Variants in TBC1D9B observed in about 807,000 individuals in gnomAD.
TBC1D9B encodes the protein TBC1 domain family, member 9B (with GRAM domain).
In TBC1D9B, 87 loss-of-function variants were observed where a neutral mutation model predicts 121.1. The ratio of observed to expected loss-of-function variants is 0.72; its 90% CI spans 0.60 to 0.86. The LOEUF is 0.86. TBC1D9B is among the 40% of genes least tolerant of loss of function. The pLI is 0.00. For missense variants in TBC1D9B, 1,540 were observed against 1,628.6 expected, an observed-to-expected ratio of 0.95 and a Z score of 0.94; for synonymous variants, 668 against 670.1, an observed-to-expected ratio of 1.00 and a Z score of 0.05.
rs1222906510 is a variant in TBC1D9B at position 179,907,123 on chromosome 5, G to C, written c.118+581C>G. 1.3e-5 allele frequency among the ~76,000 whole-genome samples: 2 copies of C among 152,222 alleles called. No individual in the cohort carries two copies. The highest frequency in any genetic ancestry group is 2.4e-5 in the African/African-American group (1 of 41,464). On this transcript the variant is annotated intron_variant, in intron 1 of 20. Coordinates refer to ENST00000355235, the MANE Select transcript of TBC1D9B (RefSeq NM_015043.4). This position sits in a 1 kb window ranked among gnomAD's most constrained non-coding sequence, Gnocchi z 5.3. Reference sequence around the variant, plus strand: ...GGAACACCCTGTGCCGCTACCCACAGCCTTGGGTGCGCAGCTCTGAGAGCA... The same window carrying C: ...GGAACACCCTGTGCCGCTACCCACACCCTTGGGTGCGCAGCTCTGAGAGCA...
Position 179,904,962 on chromosome 5 carries a change from A to G in TBC1D9B, c.119-150T>C, listed in dbSNP as rs1259161637. ...AACGTCCGGAATGACCCCTGCGGTC[A>G]AAGGCCTTCAGCCAGTGTCTGATCC... On this transcript the variant is annotated intron_variant, in intron 1 of 20. Transcript: ENST00000355235. This position sits in a 1 kb window ranked among gnomAD's most constrained non-coding sequence, Gnocchi z 4.2. 1.7e-6 allele frequency: 1 copy of G among 584,048 alleles called. No individual in the cohort carries two copies. The highest frequency in any genetic ancestry group is 2.0e-5 in the African/African-American group (1 of 51,280). 36.2% of individuals were successfully genotyped at this position (584,048 alleles called of 1,614,324 possible).
Position 179,879,309 on chromosome 5 carries a change from T to C in TBC1D9B, c.1417-112A>G. ...TCCAGACAGTGCTGGCCAGCAAGTG[T>C]GGCCTTCCTCGCAATTCCCGGGAAA... On this transcript the variant is annotated intron_variant, in intron 8 of 20. Coordinates refer to ENST00000355235, the MANE Select transcript of TBC1D9B (RefSeq NM_015043.4). The C allele has an allele frequency of 2.1e-6, 3 of 1,452,708 alleles. No homozygotes were observed. In the South Asian group the frequency reaches 4.1e-5, roughly 20 times the overall value. The allele number at this position is 1,452,708 out of a possible 1,614,324, so 90.0% of individuals were successfully genotyped here.
intron 20 of TBC1D9B, among the ~76,000 whole-genome samples, chr5:179,864,977 C>T (rs1021882778): frequency 3.9e-5 from 6 of 152,222 alleles, no homozygotes; most frequent in African/African-American, 7.2e-5. Flanking sequence ...GGGTGTGGAA[C>T]GCATATCTTG....
intron 15 of TBC1D9B, 100 bp downstream of exon 15, chr5:179,871,362 A>G (rs1434351995): frequency 5.8e-6 from 7 of 1,204,826 alleles, no homozygotes; most frequent in African/African-American, 1.5e-5. Flanking sequence ...TCTATTCCCT[A>G]TTTCTATCTA....
rs548848906 is a variant in TBC1D9B, at chr5:179,885,561, C to T, written c.1254+2542G>A. Among the ~76,000 whole-genome samples, 121 of 151,736 alleles carry T rather than the reference C, an allele frequency of 8.0e-4. No homozygotes were observed. The highest frequency in any genetic ancestry group is 2.8e-3 in the African/African-American group (114 of 41,316). On this transcript the variant is annotated intron_variant, in intron 7 of 20. Coordinates refer to ENST00000355235, the MANE Select transcript of TBC1D9B (RefSeq NM_015043.4). This position sits in a 1 kb window ranked among gnomAD's most constrained non-coding sequence, Gnocchi z 4.5. ...CCAAGACTGCCCCACTGCACTCCAG[C>T]CTAGGTGACAGAGCAAGACTCTGTC...
Position 179,863,401 on chromosome 5 carries a change from C to T in TBC1D9B, c.*47G>A, listed in dbSNP as rs1178973863. On this transcript the variant is annotated 3_prime_UTR_variant, in exon 21 of 21. Coordinates refer to ENST00000355235, the MANE Select transcript of TBC1D9B (RefSeq NM_015043.4). The surrounding 1 kb of genome is among the most constrained non-coding windows in gnomAD (Gnocchi z 4.5). ...GGAGGAAAGGCAGGAGGAGATGAGGCCAGCCCCACTGATGACACCTTGGGC... is the reference window on the plus strand; with the variant it reads ...GGAGGAAAGGCAGGAGGAGATGAGGTCAGCCCCACTGATGACACCTTGGGC... 1.9e-6 allele frequency: 3 copies of T among 1,581,946 alleles called. No individual in the cohort carries two copies. In the South Asian group the frequency reaches 3.5e-5, roughly 18 times the overall value.
chr5:179,870,489 G>A lies in TBC1D9B; in HGVS notation c.2491C>T (p.His831Tyr), dbSNP rs1430651877. ...CACCCCCAGTACTGGCTAGCCAGGT[G>A]CTTGGCCTGTGGGACACGGTCTGGT... Reference protein sequence around the residue: ...EDLYMVFKAKHLASQYWGCSR... With the variant: ...EDLYMVFKAKYLASQYWGCSR... The change falls in exon 16 of 21, where the codon CAC becomes TAC. Residue 831 changes from histidine (H) to tyrosine (Y), a missense_variant. His to Tyr is a moderately conservative substitution (Grantham distance 83, BLOSUM62 2). Transcript: ENST00000355235. The A allele has an allele frequency of 1.9e-6, 3 of 1,607,952 alleles. No homozygotes were observed. The African/African-American group carries it at 4.0e-5, about 21-fold the overall frequency.
In TBC1D9B at chr5:179,873,146, G is replaced by A. The variant is rs756494859; in HGVS notation, c.2289C>T (p.Ile763=). 6.2e-7 allele frequency: 1 copy of A among 1,612,544 alleles called. No individual in the cohort carries two copies. Among genetic ancestry groups the A allele is most frequent in the East Asian group, 2.2e-5 (1 of 44,876 alleles). ...CATAGGACACTTTCAGGAGCTCAAA[G>A]ATGTCCACCTCTGCAGGGGGGTCAT... ...SSDDPPAEVD[I]FELLKVSYEK... The change falls in exon 13 of 21, where the codon ATC becomes ATT. Residue 763 remains isoleucine, a synonymous_variant. Transcript: ENST00000355235.
chr5:179,887,920 G>C, intron 7 of TBC1D9B, 183 bp downstream of exon 7: 2 of 718,038 alleles, frequency 2.8e-6, no homozygotes, highest in Middle Eastern at 3.8e-4. Context: ...GGTGCAGAGA[G>C]GCTGTGATGT....
rs899026516 is a variant in TBC1D9B at position 179,879,351 on chromosome 5, G to A, written c.1417-154C>T. On this transcript the variant is annotated intron_variant, in intron 8 of 20. Transcript: ENST00000355235. ...CCCGGGAAAGACCAGGCCGCGCTGA[G>A]CCACACCTCCCAAGGCTCAGGAGAC... The A allele has an allele frequency of 3.2e-6, 4 of 1,260,406 alleles. No individual in the cohort carries two copies. In the Admixed American group the frequency reaches 9.4e-5, roughly 30 times the overall value. 78.1% of individuals were successfully genotyped at this position (1,260,406 alleles called of 1,614,324 possible). A position where few individuals can be genotyped will look rare whatever the true frequency, so the allele number is the denominator to read the frequency against.
intron 12 of TBC1D9B, among the ~76,000 whole-genome samples, chr5:179,873,847 G>A (rs1268238274): frequency 1.3e-5 from 2 of 152,138 alleles, no homozygotes; most frequent in Non-Finnish European, 2.9e-5. Context: ...CATAGCCCTG[G>A]TCATATCCCC....
In TBC1D9B at chr5:179,891,922, C is replaced by T. The variant is rs527813492; in HGVS notation, c.837-336G>A. On this transcript the variant is annotated intron_variant, in intron 5 of 20. Coordinates refer to ENST00000355235, the MANE Select transcript of TBC1D9B (RefSeq NM_015043.4). The surrounding 1 kb of genome is among the most constrained non-coding windows in gnomAD (Gnocchi z 4.3). ...TGATGGGCAAGCAGAGCCCAGAGCA[C>T]CTGCCCTGGATCCCACTCAGATGGA... 1.3e-5 allele frequency among the ~76,000 whole-genome samples: 2 copies of T among 152,280 alleles called. No individual in the cohort carries two copies. Among genetic ancestry groups the T allele is most frequent in the South Asian group, 4.1e-4 (2 of 4,828 alleles).
intron 1 of TBC1D9B, among the ~76,000 whole-genome samples, chr5:179,905,475 T>C (rs1489632248): frequency 1.3e-5 from 2 of 152,248 alleles, no homozygotes; most frequent in Admixed American, 6.5e-5. Flanking sequence ...ATCTTTAGAA[T>C]TGTCAAATTT....
At chr5:179,879,255 C>T in intron 8 of TBC1D9B, 58 bp from the exon 9 acceptor site, 1 of 1,561,964 alleles carries the variant, frequency 6.4e-7, no homozygotes, top group Non-Finnish European at 8.6e-7. Context: ...GTGCCGAGGC[C>T]TAGGCCACCG....
At chr5:179,879,286 C>G in intron 8 of TBC1D9B, 89 bp from the exon 9 acceptor site, 4 of 1,504,708 alleles carry the variant, frequency 2.7e-6, no homozygotes, top group Non-Finnish European at 3.5e-6. Flanking sequence ...GTGAACACTC[C>G]AGACAGTGCT....
At chr5:179,896,031 C>T (rs989396962) in intron 3 of TBC1D9B, among the ~76,000 whole-genome samples, 3 of 152,134 alleles carry the variant, frequency 2.0e-5, no homozygotes, top group African/African-American at 4.8e-5. Context: ...GAGATGACAC[C>T]GCACGCATCT....
In TBC1D9B at chr5:179,878,353, G is replaced by C; in HGVS notation, c.1738C>G (p.Leu580Val). ...GGGTTTCGGAAGGCATAGGCAGTCA[G>C]CACCCGCCGGAGGGCAGCAATCCCC... is the stretch of plus-strand genomic sequence containing the variant. Reference protein sequence around the residue: ...ELGIAALRRVLTAYAFRNPTI... With the variant: ...ELGIAALRRVVTAYAFRNPTI... The change falls in exon 10 of 21, where the codon CTG becomes GTG. Residue 580 changes from leucine (L) to valine (V), a missense_variant. Leu to Val is a conservative substitution (Grantham distance 32, BLOSUM62 1). Transcript: ENST00000355235. 1.2e-6 allele frequency: 2 copies of C among 1,613,868 alleles called. No homozygotes were observed. Among genetic ancestry groups the C allele is most frequent in the Non-Finnish European group, 1.7e-6 (2 of 1,179,968 alleles).
At chr5:179,878,171 T>C (rs1760415272) in intron 10 of TBC1D9B, 138 bp downstream of exon 10, 1 of 914,758 alleles carries the variant, frequency 1.1e-6, no homozygotes, top group South Asian at 1.7e-5. Context: ...ATACTGTTTT[T>C]AAATTACATC....
At chr5:179,903,344 T>C (rs1761215392) in intron 2 of TBC1D9B, among the ~76,000 whole-genome samples, 1 of 152,236 alleles carries the variant, frequency 6.6e-6, no homozygotes, top group South Asian at 2.1e-4. Flanking sequence ...GCTAGGACTG[T>C]CATTTTCTCA....
Sources: allele counts gnomAD v4.1 joint callset (sites outside exome capture counted in the v4.1 genomes callset), GRCh38; gene constraint gnomAD v4.1.1; non-coding constraint Gnocchi (gnomAD v3.1); transcripts MANE v1.5; gene names NCBI Gene and HGNC (gene_info 2026-07-23, HGNC 2026-07-21).